The following TSPAN15 variants were observed in gnomAD, a reference collection of about 807,000 sequenced individuals.
The protein encoded by TSPAN15 is tetraspanin 15, also known as tetraspanin-15.
TSPAN15 carries 20 observed loss-of-function variants against 34.5 expected under a neutral mutation model. The ratio of observed to expected loss-of-function variants is 0.58; its 90% confidence interval spans 0.41 to 0.84. TSPAN15 has a LOEUF of 0.84. TSPAN15 is among the 40% of genes least tolerant of loss of function. The pLI is 0.00. For synonymous variants in TSPAN15, 155 were observed against 153.9 expected, an observed-to-expected ratio of 1.01 and a Z score of -0.05; for missense variants, 313 against 386.1, an observed-to-expected ratio of 0.81 and a Z score of 1.59.
Position 69,458,078 on chromosome 10 carries a change from C to G in TSPAN15, c.96+6388C>G, listed in dbSNP as rs183820175. On this transcript the variant is annotated intron_variant, in intron 1 of 7. Transcript: ENST00000373290. The stretch of plus-strand genomic sequence containing the variant: ...CAGGCCAAGACCAGATCCAGGCTGC[C>G]TGACTCCAGTTTCTTCCTCGGGCCC... Among the ~76,000 whole-genome samples, 514 of 152,300 alleles carry G rather than the reference C, an allele frequency of 3.4e-3. 4 individuals carry two copies. Among genetic ancestry groups the G allele is most frequent in the African/African-American group, 0.012 (498 of 41,556 alleles).
intron 1 of TSPAN15, among the ~76,000 whole-genome samples, chr10:69,453,544 C>G (rs1324562867): frequency 1.3e-5 from 2 of 152,162 alleles, no homozygotes; most frequent in Non-Finnish European, 2.9e-5. Flanking sequence ...GATATATAAT[C>G]ACAAACCAGT....
chr10:69,537,274 G>T, the TSPAN15 span, among the ~76,000 whole-genome samples: 2 of 152,176 alleles, frequency 1.3e-5, no homozygotes, highest in Non-Finnish European at 2.9e-5. Flanking sequence ...AAAGAGTATG[G>T]CACTGCATAT....
chr10:69,457,144 G>A (rs563397808), intron 1 of TSPAN15, among the ~76,000 whole-genome samples: 4 of 152,340 alleles, frequency 2.6e-5, no homozygotes, highest in African/African-American at 7.2e-5. Flanking sequence ...TTAGAGATCC[G>A]TTTACAGGAC....
chr10:69,473,854 A>G (rs896407865), intron 1 of TSPAN15, among the ~76,000 whole-genome samples: 4 of 152,058 alleles, frequency 2.6e-5, no homozygotes, highest in Non-Finnish European at 5.9e-5. Flanking sequence ...TCTGCCTTCT[A>G]TCCATAGTTC....
At chr10:69,538,451 G>A in the TSPAN15 span, among the ~76,000 whole-genome samples, 1 of 152,180 alleles carries the variant, frequency 6.6e-6, no homozygotes, top group Non-Finnish European at 1.5e-5. Context: ...CCAGGCTCTG[G>A]AGCAAGACCC....
intron 1 of TSPAN15, among the ~76,000 whole-genome samples, chr10:69,460,112 T>TG (rs1841218139): frequency 6.6e-6 from 1 of 151,990 alleles, no homozygotes; most frequent in Non-Finnish European, 1.5e-5. Context: ...CCTTTGCCCC[T>TG]GGGGGTACTC....
chr10:69,474,413 AG>A, intron 1 of TSPAN15, among the ~76,000 whole-genome samples: 1 of 152,154 alleles, frequency 6.6e-6, no homozygotes, highest in Non-Finnish European at 1.5e-5. Context: ...GGGCTCCGAA[AG>A]GCTGCCAGGA....
chr10:69,481,841 A>T (rs1841740818), intron 1 of TSPAN15, among the ~76,000 whole-genome samples: 1 of 152,224 alleles, frequency 6.6e-6, no homozygotes, highest in Admixed American at 6.5e-5. Flanking sequence ...CCTCTGGAAC[A>T]TGAGGCCCAG....
intron 6 of TSPAN15, 149 bp from the exon 7 acceptor site, chr10:69,505,975 T>TA: frequency 1.6e-6 from 1 of 628,026 alleles, no homozygotes; most frequent in Non-Finnish European, 2.8e-6. Context: ...AATCAGAATC[T>TA]AGGGTCACCT....
the TSPAN15 span, among the ~76,000 whole-genome samples, chr10:69,530,816 CT>C: frequency 5.5e-4 from 29 of 52,418 alleles, no homozygotes; most frequent in African/African-American, 1.8e-3. Flanking sequence ...CTCTCTCTCT[CT>C]CTCTATATAT....
At chr10:69,501,104 C>T (rs972619673) in intron 5 of TSPAN15, among the ~76,000 whole-genome samples, 1 of 152,240 alleles carries the variant, frequency 6.6e-6, no homozygotes, top group African/African-American at 2.4e-5. Context: ...GGGGCTGCCA[C>T]TGCCTGAGAG....
the TSPAN15 span, among the ~76,000 whole-genome samples, chr10:69,540,843 G>A: frequency 4.5e-3 from 690 of 152,272 alleles, 2 homozygotes; most frequent in Non-Finnish European, 6.9e-3. Context: ...AGGTCTTGGA[G>A]AAGGTGAGGG....
At chr10:69,462,173 T>TTTTG (rs1841282102) in intron 1 of TSPAN15, among the ~76,000 whole-genome samples, 3 of 145,154 alleles carry the variant, frequency 2.1e-5, no homozygotes, top group African/African-American at 7.6e-5. Flanking sequence ...TTTTTTTTTT[T>TTTTG]TTTTTTTTGT....
downstream of TSPAN15, among the ~76,000 whole-genome samples, chr10:69,511,308 G>A (rs186946634): frequency 2.4e-4 from 36 of 152,026 alleles, no homozygotes; most frequent in Non-Finnish European, 4.3e-4. Context: ...GTCTTGTGGG[G>A]GTGTATGTGT....
chr10:69,515,196 T>G, the TSPAN15 span, among the ~76,000 whole-genome samples: 1 of 152,250 alleles, frequency 6.6e-6, no homozygotes, highest in Non-Finnish European at 1.5e-5. Flanking sequence ...CCCCCTCTTA[T>G]GAGTCTCAGT....
chr10:69,510,761 G>A (rs1358214076), downstream of TSPAN15, among the ~76,000 whole-genome samples: 1 of 152,146 alleles, frequency 6.6e-6, no homozygotes, highest in African/African-American at 2.4e-5. Flanking sequence ...TCAATACCTA[G>A]TTTATTGAGA....
chr10:69,466,371 C>A (rs1841384642), intron 1 of TSPAN15, among the ~76,000 whole-genome samples: 1 of 152,072 alleles, frequency 6.6e-6, no homozygotes, highest in African/African-American at 2.4e-5. Context: ...GGGGTTGGGC[C>A]AGATCAGCAT....
At chr10:69,523,202 C>A in the TSPAN15 span, 1 of 260,882 alleles carries the variant, frequency 3.8e-6, no homozygotes, top group Non-Finnish European at 7.2e-6. Context: ...GGTCTGGGCA[C>A]CATTTTGTTT....
At chr10:69,477,698 G>C (rs578182529) in intron 1 of TSPAN15, among the ~76,000 whole-genome samples, 2 of 152,342 alleles carry the variant, frequency 1.3e-5, no homozygotes, top group South Asian at 4.1e-4. Flanking sequence ...TGTCGGCTTT[G>C]TATTTTGCAA....
Sources: allele counts gnomAD v4.1 joint callset (sites outside exome capture counted in the v4.1 genomes callset), GRCh38; gene constraint gnomAD v4.1.1; transcripts MANE v1.5; gene names NCBI Gene and HGNC (gene_info 2026-07-23, HGNC 2026-07-21).